Variants in KALRN observed in about 807,000 individuals in gnomAD.
KALRN encodes kalirin RhoGEF kinase.
A neutral mutation model predicts 353.7 loss-of-function variants in KALRN; 70 were observed. The observed-to-expected ratio is 0.20, with a 90% CI of 0.16 to 0.24. The LOEUF (loss-of-function observed/expected upper bound fraction) is 0.24. Among genes scored for constraint, KALRN ranks in the 10% least tolerant of loss-of-function variants. The pLI, the probability that KALRN is intolerant of heterozygous loss-of-function variation, is 1.00. For missense variants in KALRN, 2,791 were observed against 3,756.7 expected (o/e 0.74, Z 6.72); for synonymous variants, 1,391 against 1,434.8 (o/e 0.97, Z 0.69).
intron 33 of KALRN, among the ~76,000 whole-genome samples, chr3:124,532,336 C>A (rs1439788798): frequency 6.6e-6 from 1 of 152,204 alleles, no homozygotes; most frequent in East Asian, 1.9e-4. Flanking sequence ...ACTGCCAGGG[C>A]AAATTCCAAT....
chr3:124,716,926 T>C (rs2063159589), intron 58 of KALRN, among the ~76,000 whole-genome samples: 1 of 152,238 alleles, frequency 6.6e-6, no homozygotes, highest in African/African-American at 2.4e-5. Context: ...AAGGCTTTCT[T>C]TACTTAGCAA....
chr3:124,628,491 C>CCCTTCCCTT (rs1261974224), intron 34 of KALRN, among the ~76,000 whole-genome samples: 67 of 107,302 alleles, frequency 6.2e-4, no homozygotes, highest in African/African-American at 9.1e-4. Flanking sequence ...TCCCTTCCCT[C>CCCTTCCCTT]CCTTCCCTTC....
At chr3:124,318,688 T>A (rs4677924) in intron 6 of KALRN, among the ~76,000 whole-genome samples, 144,186 of 152,282 alleles carry the variant, frequency 0.95, 68,749 homozygotes, top group East Asian at 1. Flanking sequence ...TGAAAACTGT[T>A]TTGGAATATC....
chr3:124,597,570 C>A (rs2076389852), intron 34 of KALRN, among the ~76,000 whole-genome samples: 1 of 152,116 alleles, frequency 6.6e-6, no homozygotes, highest in African/African-American at 2.4e-5. Flanking sequence ...CAGGGATATT[C>A]AGGGGACCAC....
intron 1 of KALRN, among the ~76,000 whole-genome samples, chr3:124,174,969 G>T (rs1007640650): frequency 6.6e-6 from 1 of 152,246 alleles, no homozygotes; most frequent in Non-Finnish European, 1.5e-5. Flanking sequence ...GTCAGTCCAT[G>T]TGAGGACTTT....
rs115688821 is a variant in KALRN, at chr3:124,247,094, T to G, written c.263+12151T>G. Among the ~76,000 whole-genome samples, 335 of 152,310 alleles carry G rather than the reference T, an allele frequency of 2.2e-3. 1 individual carries two copies. Among genetic ancestry groups the G allele is most frequent in the African/African-American group, 7.8e-3 (325 of 41,560 alleles). On this transcript the variant is annotated intron_variant, in intron 3 of 59. Coordinates refer to ENST00000682506, the MANE Select transcript of KALRN (RefSeq NM_001388419.1). Reference sequence around the variant, plus strand: ...GGTTGAGTATGTTTTCAGGCATATATTTGATACGGACACTCTATGTTACGA... The same window carrying G: ...GGTTGAGTATGTTTTCAGGCATATAGTTGATACGGACACTCTATGTTACGA...
chr3:124,484,013 C>G (rs1158171202), intron 28 of KALRN, among the ~76,000 whole-genome samples: 4 of 152,168 alleles, frequency 2.6e-5, no homozygotes, highest in Non-Finnish European at 5.9e-5. Flanking sequence ...CTGCTGGTTG[C>G]TCCTTTAATG....
intron 34 of KALRN, among the ~76,000 whole-genome samples, chr3:124,576,335 A>G (rs1390026803): frequency 2.0e-5 from 3 of 152,102 alleles, no homozygotes; most frequent in Non-Finnish European, 2.9e-5. Flanking sequence ...AGTAGCTGCC[A>G]TGTAAGAAGT....
chr3:124,112,792 G>A (rs971372835), intron 1 of KALRN, among the ~76,000 whole-genome samples: 4 of 152,140 alleles, frequency 2.6e-5, no homozygotes, highest in African/African-American at 9.7e-5. Context: ...AAGTAGGCAT[G>A]GGGTGATATT....
intron 37 of KALRN, among the ~76,000 whole-genome samples, chr3:124,649,203 A>G (rs1440741481): frequency 1.3e-5 from 2 of 152,114 alleles, no homozygotes; most frequent in South Asian, 2.1e-4. Context: ...TTTCTTATAA[A>G]ATGGACCATC....
At chr3:124,712,484 A>G (rs1482209420) in intron 57 of KALRN, among the ~76,000 whole-genome samples, 1 of 151,888 alleles carries the variant, frequency 6.6e-6, no homozygotes, top group Non-Finnish European at 1.5e-5. Context: ...GCAGAGAAAA[A>G]TGTTGGTTTA....
chr3:124,629,314 A>G (rs1468715522), intron 34 of KALRN, among the ~76,000 whole-genome samples: 1 of 152,186 alleles, frequency 6.6e-6, no homozygotes, highest in Non-Finnish European at 1.5e-5. Flanking sequence ...TCTGGGCTCT[A>G]ATTCCTCCTT....
At chr3:124,635,648 A>G (rs1055511224) in intron 36 of KALRN, among the ~76,000 whole-genome samples, 1 of 152,162 alleles carries the variant, frequency 6.6e-6, no homozygotes, top group Non-Finnish European at 1.5e-5. Flanking sequence ...GGAATTTTTA[A>G]AAGTTCACCG....
intron 1 of KALRN, among the ~76,000 whole-genome samples, chr3:124,047,123 A>T (rs4678077): frequency 0.92 from 139,543 of 152,154 alleles, 64,703 homozygotes; most frequent in East Asian, 1. Context: ...TATTCACATA[A>T]TTCACAGGCG....
In KALRN at chr3:124,446,149, C is replaced by T. The variant is rs1178962725; in HGVS notation, c.3314-12C>T. The T allele has an allele frequency of 6.3e-7, 1 of 1,597,992 alleles. No individual in the cohort carries two copies. Among genetic ancestry groups the T allele is most frequent in the Non-Finnish European group, 8.6e-7 (1 of 1,166,228 alleles). ...GCCCCTTGTGACCATCATGCATCTC[C>T]TCTGCCCACAGCCATCCTGAGTGAG... On this transcript the variant is annotated splice_polypyrimidine_tract_variant and intron_variant, in intron 19 of 59. Coordinates refer to ENST00000682506, the MANE Select transcript of KALRN (RefSeq NM_001388419.1).
At chr3:124,148,588 G>A (rs1048710468) in intron 1 of KALRN, among the ~76,000 whole-genome samples, 1 of 152,148 alleles carries the variant, frequency 6.6e-6, no homozygotes, top group African/African-American at 2.4e-5. Flanking sequence ...AATATTGTGG[G>A]TGCTAGAGTC....
At chr3:124,530,848 A>G (rs1272721068) in intron 33 of KALRN, among the ~76,000 whole-genome samples, 1 of 152,162 alleles carries the variant, frequency 6.6e-6, no homozygotes, top group Non-Finnish European at 1.5e-5. Context: ...ACTCCTACCA[A>G]TACTCATCCC....
chr3:124,158,685 C>G (rs982692490), intron 1 of KALRN, among the ~76,000 whole-genome samples: 36 of 152,286 alleles, frequency 2.4e-4, no homozygotes, highest in African/African-American at 8.7e-4. Flanking sequence ...CTCCTCCCCC[C>G]ACCACCCGCC....
Position 124,471,966 on chromosome 3 carries a change from C to CAAAAA in KALRN, c.4032-2683_4032-2679dup, listed in dbSNP as rs34537933. Among the ~76,000 whole-genome samples, 39 of 110,824 alleles carry CAAAAA rather than the reference C, an allele frequency of 3.5e-4. 2 individuals carry two copies. The South Asian group carries it at 9.7e-3, about 27-fold the overall frequency. 72.7% of individuals were successfully genotyped at this position (110,824 alleles called of 152,430 possible). ...TGAGTGACAGAGTGAGACTCCGTCTCAAAAAAAAAAAAAAAAAACAACCTT... is the reference window on the plus strand; with the variant it reads ...TGAGTGACAGAGTGAGACTCCGTCTCAAAAAAAAAAAAAAAAAAAAAAACAACCTT... On this transcript the variant is annotated intron_variant, in intron 25 of 59. Transcript: ENST00000682506.
Sources: gnomAD v4.1 joint callset for allele counts (sites outside exome capture counted in the v4.1 genomes callset) on GRCh38, gnomAD v4.1.1 for gene constraint, MANE v1.5 for transcripts, NCBI Gene and HGNC (gene_info 2026-07-23, HGNC 2026-07-21) for gene names.